Variants in CHMP3 observed in about 807,000 individuals in gnomAD.
CHMP3 encodes 25.1 protein.
CHMP3 carries 8 observed loss-of-function variants against 27.4 expected under a neutral mutation model. The ratio of observed to expected loss-of-function variants is 0.29; its 90% confidence interval spans 0.17 to 0.53. The LOEUF is 0.53. Ranked by LOEUF, CHMP3 falls within the 20% of genes least tolerant of loss-of-function variation. CHMP3 has a pLI of 0.96. For synonymous variants in CHMP3, 86 were observed against 85.5 expected, an observed-to-expected ratio of 1.01 and a Z score of -0.03; for missense variants, 208 against 271.5, an observed-to-expected ratio of 0.77 and a Z score of 1.64.
intron 1 of CHMP3, among the ~76,000 whole-genome samples, chr2:86,543,335 T>C (rs1039618411): frequency 9.9e-5 from 15 of 152,252 alleles, no homozygotes; most frequent in Admixed American, 9.2e-4. Flanking sequence ...TTTGTGAAAG[T>C]TGTCAGAATC....
chr2:86,563,168 G>T, intron 1 of CHMP3, 136 bp downstream of exon 1: 1 of 1,050,132 alleles, frequency 9.5e-7, no homozygotes, highest in Non-Finnish European at 1.4e-6. Context: ...CGGCCCCCCT[G>T]TCGAGTGGGA....
rs200991029 is a variant in CHMP3 at position 86,534,570 on chromosome 2, T to C, written c.107-5173A>G. Among the ~76,000 whole-genome samples the C allele has an allele frequency of 5.3e-5, 8 of 152,210 alleles. No individual in the cohort carries two copies. In the East Asian group the frequency reaches 1.3e-3, roughly 26 times the overall value. On this transcript the variant is annotated intron_variant, in intron 2 of 5. Coordinates refer to ENST00000263856, the MANE Select transcript of CHMP3 (RefSeq NM_016079.4). ...ATACCCATTGTTGACAGTGCAGTAT[T>C]ATCTAACTATTATGGAAGAACTATT...
At chr2:86,506,369 T>C (rs1406816915) in intron 5 of CHMP3, among the ~76,000 whole-genome samples, 7 of 152,024 alleles carry the variant, frequency 4.6e-5, no homozygotes, top group Admixed American at 3.3e-4. Context: ...ACTCAGAAAA[T>C]CTAGAAGTAA....
At chr2:86,549,225 C>A (rs975428741) in intron 1 of CHMP3, among the ~76,000 whole-genome samples, 4 of 139,714 alleles carry the variant, frequency 2.9e-5, no homozygotes, top group African/African-American at 8.1e-5. Context: ...CCAGACAGGG[C>A]GGCCGGGCAG....
chr2:86,534,936 G>A (rs1028082338), intron 2 of CHMP3, among the ~76,000 whole-genome samples: 1 of 152,010 alleles, frequency 6.6e-6, no homozygotes. Context: ...AATTTGATTA[G>A]AGACTTTAAA....
chr2:86,528,150 T>C (rs1215948076), intron 3 of CHMP3, among the ~76,000 whole-genome samples: 1 of 152,148 alleles, frequency 6.6e-6, no homozygotes, highest in Non-Finnish European at 1.5e-5. Flanking sequence ...AATGTTAAAA[T>C]TGAATGTGAA....
chr2:86,521,942 A>G (rs181802899), intron 3 of CHMP3, among the ~76,000 whole-genome samples: 14 of 152,278 alleles, frequency 9.2e-5, no homozygotes, highest in Admixed American at 7.8e-4. Context: ...TCTTTCGGGT[A>G]TATCTCAAAA....
chr2:86,512,225 C>T (rs989543893), intron 3 of CHMP3: 1 of 152,234 alleles, frequency 6.6e-6, no homozygotes. Context: ...GTTCCACCCT[C>T]CTGAATGGAT....
chr2:86,549,489 C>T (rs560354360), intron 1 of CHMP3, among the ~76,000 whole-genome samples: 308 of 138,962 alleles, frequency 2.2e-3, no homozygotes, highest in African/African-American at 7.7e-3. Context: ...CCAGACGGGG[C>T]GGCCGGGCAG....
At chr2:86,545,426 C>A (rs367926336) in intron 1 of CHMP3, among the ~76,000 whole-genome samples, 1 of 130,240 alleles carries the variant, frequency 7.7e-6, no homozygotes, top group Non-Finnish European at 1.6e-5. Flanking sequence ...ACGGGGTGGC[C>A]GGGCAGAGGC....
At chr2:86,528,523 T>C (rs868401642) in intron 3 of CHMP3, among the ~76,000 whole-genome samples, 2 of 152,146 alleles carry the variant, frequency 1.3e-5, no homozygotes, top group African/African-American at 2.4e-5. Context: ...TCTGAGTCTG[T>C]ATTCAATCTA....
intron 1 of CHMP3, among the ~76,000 whole-genome samples, chr2:86,544,961 C>A (rs1318014546): frequency 1.8e-5 from 2 of 110,364 alleles, no homozygotes; most frequent in African/African-American, 5.7e-5. Context: ...GACGGGGCGG[C>A]CGGGCAGAGG....
intron 4 of CHMP3, among the ~76,000 whole-genome samples, 174 bp from the exon 5 acceptor site, chr2:86,507,767 A>G (rs1674941815): frequency 6.6e-6 from 1 of 152,194 alleles, no homozygotes; most frequent in African/African-American, 2.4e-5. Context: ...CAGAAATGCA[A>G]AAGCCCCAAA....
At chr2:86,549,910 A>C (rs1036697469) in intron 1 of CHMP3, among the ~76,000 whole-genome samples, 1 of 151,538 alleles carries the variant, frequency 6.6e-6, no homozygotes, top group African/African-American at 2.4e-5. Context: ...GGCCGGGCAG[A>C]GGCGCTTCTC....
chr2:86,542,633 A>C (rs777996784), intron 1 of CHMP3, among the ~76,000 whole-genome samples: 1 of 152,222 alleles, frequency 6.6e-6, no homozygotes, highest in Admixed American at 6.5e-5. Flanking sequence ...AGTTAGCTTT[A>C]AGAGCATCAG....
chr2:86,514,581 TA>T (rs967047578), intron 3 of CHMP3, among the ~76,000 whole-genome samples: 1 of 152,160 alleles, frequency 6.6e-6, no homozygotes, highest in African/African-American at 2.4e-5. Flanking sequence ...TACTAAAATA[TA>T]AATGGCATCA....
At chr2:86,522,293 C>T (rs1675548435) in intron 3 of CHMP3, among the ~76,000 whole-genome samples, 1 of 152,184 alleles carries the variant, frequency 6.6e-6, no homozygotes, top group African/African-American at 2.4e-5. Flanking sequence ...ACTTTGGTTA[C>T]ACTTAGTTTT....
chr2:86,563,274 C>T (rs781387885), intron 1 of CHMP3, 30 bp downstream of exon 1: 3 of 1,613,380 alleles, frequency 1.9e-6, no homozygotes, highest in Non-Finnish European at 2.5e-6. Flanking sequence ...ACAGATCCAC[C>T]CGCTTATCTG....
chr2:86,516,279 AG>A (rs1675304692), intron 3 of CHMP3, among the ~76,000 whole-genome samples: 2 of 152,280 alleles, frequency 1.3e-5, no homozygotes, highest in South Asian at 4.1e-4. Flanking sequence ...CAACTGATGT[AG>A]GAAAAGAAAT....
Sources: gnomAD v4.1 joint callset for allele counts (sites outside exome capture counted in the v4.1 genomes callset) on GRCh38, gnomAD v4.1.1 for gene constraint, MANE v1.5 for transcripts, NCBI Gene and HGNC (gene_info 2026-07-23, HGNC 2026-07-21) for gene names.